The following AGBL4 variants were observed in gnomAD, a reference collection of about 807,000 sequenced individuals.
The protein encoded by AGBL4 is cytosolic carboxypeptidase 6.
In AGBL4, 58 loss-of-function variants were observed where a neutral mutation model predicts 66.4. That is an observed-to-expected ratio of 0.87 (90% CI 0.71 to 1.09). The LOEUF (loss-of-function observed/expected upper bound fraction) is 1.09, where lower values mean the gene tolerates loss of function less well. AGBL4 is among the 50% of genes least tolerant of loss of function. The probability of loss-of-function intolerance (pLI) is 0.00; values close to 1 mark genes in which losing one functional copy is unlikely to be tolerated. For synonymous variants in AGBL4, 234 were observed against 222.9 expected (o/e 1.05, Z -0.44); for missense variants, 579 against 631.0 (o/e 0.92, Z 0.88).
intron 4 of AGBL4, among the ~76,000 whole-genome samples, chr1:49,157,287 A>G (rs1569865146): frequency 8.3e-6 from 1 of 120,530 alleles, no homozygotes; most frequent in Non-Finnish European, 1.7e-5. Context: ...CCCCGTGTCC[A>G]TGTTCTCATT....
chr1:49,796,855 T>G (rs2147939697), intron 2 of AGBL4, among the ~76,000 whole-genome samples: 1 of 152,112 alleles, frequency 6.6e-6, no homozygotes, highest in South Asian at 2.1e-4. Flanking sequence ...GGGTATAACT[T>G]TCCAGTTATG....
chr1:48,853,494 C>A (rs1166222921), intron 6 of AGBL4, among the ~76,000 whole-genome samples: 1 of 152,160 alleles, frequency 6.6e-6, no homozygotes, highest in South Asian at 2.1e-4. Context: ...TACTTTACTA[C>A]ATTAGCCACT....
intron 3 of AGBL4, among the ~76,000 whole-genome samples, chr1:49,573,104 A>G (rs1170438936): frequency 6.7e-6 from 1 of 150,094 alleles, no homozygotes; most frequent in Non-Finnish European, 1.5e-5. Flanking sequence ...TTAATATATA[A>G]TAAATTCTCA....
chr1:49,706,520 T>C (rs1034654173), intron 2 of AGBL4, among the ~76,000 whole-genome samples: 6 of 152,178 alleles, frequency 3.9e-5, no homozygotes, highest in African/African-American at 1.2e-4. Context: ...CATTGATTTT[T>C]TGAAGGGTTT....
chr1:49,684,392 A>G (rs1220806596), intron 3 of AGBL4, among the ~76,000 whole-genome samples: 1 of 152,154 alleles, frequency 6.6e-6, no homozygotes, highest in Non-Finnish European at 1.5e-5. Flanking sequence ...ATATTGCAAC[A>G]GCAATATTTA....
At chr1:49,950,830 C>T (rs1328436966) in intron 1 of AGBL4, among the ~76,000 whole-genome samples, 1 of 151,614 alleles carries the variant, frequency 6.6e-6, no homozygotes, top group Non-Finnish European at 1.5e-5. Context: ...ATGGAATCAA[C>T]CCAAGTGTCA....
intron 6 of AGBL4, among the ~76,000 whole-genome samples, chr1:48,756,684 C>T (rs1387657123): frequency 6.6e-6 from 1 of 152,148 alleles, no homozygotes; most frequent in African/African-American, 2.4e-5. Flanking sequence ...TTTATTCTTG[C>T]GGATTTGTCT....
chr1:49,918,027 T>C (rs950105570), intron 1 of AGBL4, among the ~76,000 whole-genome samples: 2 of 152,204 alleles, frequency 1.3e-5, no homozygotes, highest in Admixed American at 1.3e-4. Flanking sequence ...AGATGTTCTT[T>C]GAAACCAATG....
At chr1:49,275,910 T>C (rs1644158608) in intron 3 of AGBL4, among the ~76,000 whole-genome samples, 1 of 152,172 alleles carries the variant, frequency 6.6e-6, no homozygotes, top group African/African-American at 2.4e-5. Flanking sequence ...TTATACCTGC[T>C]GATGTGTAAA....
At chr1:48,541,004 G>C (rs985149453) in intron 11 of AGBL4, among the ~76,000 whole-genome samples, 4 of 152,172 alleles carry the variant, frequency 2.6e-5, no homozygotes, top group African/African-American at 9.7e-5. Context: ...CTCTGAGTGT[G>C]ATTTACCGTA....
At chr1:49,522,978 G>A (rs548303213) in intron 3 of AGBL4, among the ~76,000 whole-genome samples, 3 of 152,030 alleles carry the variant, frequency 2.0e-5, no homozygotes, top group Non-Finnish European at 2.9e-5. Flanking sequence ...AAGGTGGTAG[G>A]GTATATTTCA....
At chr1:49,967,736 C>A (rs1016544446) in intron 1 of AGBL4, among the ~76,000 whole-genome samples, 1 of 152,012 alleles carries the variant, frequency 6.6e-6, no homozygotes, top group Non-Finnish European at 1.5e-5. Flanking sequence ...AAGCTTAAGG[C>A]CTTAATATGT....
intron 9 of AGBL4, among the ~76,000 whole-genome samples, chr1:48,612,699 A>C (rs1446375884): frequency 6.6e-6 from 1 of 152,254 alleles, no homozygotes; most frequent in African/African-American, 2.4e-5. Context: ...AAAAACAGAA[A>C]TACACTATAA....
At chr1:49,782,358 GATAAA>G (rs1333602558) in intron 2 of AGBL4, among the ~76,000 whole-genome samples, 3 of 151,994 alleles carry the variant, frequency 2.0e-5, no homozygotes, top group Admixed American at 6.6e-5. Flanking sequence ...AAATAACTGA[GATAAA>G]ATAAAGAAGT....
intron 4 of AGBL4, among the ~76,000 whole-genome samples, chr1:49,052,202 G>A (rs1056196920): frequency 6.6e-6 from 1 of 151,534 alleles, no homozygotes. Context: ...ACTTAGGCTT[G>A]TTTGGAGCTG....
intron 4 of AGBL4, among the ~76,000 whole-genome samples, chr1:49,135,297 A>T (rs974793491): frequency 3.3e-5 from 5 of 152,164 alleles, no homozygotes; most frequent in African/African-American, 9.7e-5. Flanking sequence ...AAACAGCAAA[A>T]ACCCAGAGTA....
rs562378095 is a variant in AGBL4, at chr1:48,728,990, G to C, written c.635-65749C>G. ...TTTGCTGTGATAAAGCAAAAAGCCA[G>C]CTCCAGACAAGGTCTGGCTGGAGCC... On this transcript the variant is annotated intron_variant, in intron 6 of 13. Coordinates refer to ENST00000371839, the MANE Select transcript of AGBL4 (RefSeq NM_032785.4). 2.6e-5 allele frequency among the ~76,000 whole-genome samples: 4 copies of C among 152,332 alleles called. No homozygotes were observed. In the East Asian group the frequency reaches 5.8e-4, roughly 22 times the overall value.
At chr1:48,568,357 A>G (rs1266519376) in intron 11 of AGBL4, among the ~76,000 whole-genome samples, 5 of 152,036 alleles carry the variant, frequency 3.3e-5, no homozygotes, top group Non-Finnish European at 5.9e-5. Context: ...TCTAGAATCA[A>G]TGACCAGAAG....
chr1:49,407,873 G>A (rs1362139869), intron 3 of AGBL4, among the ~76,000 whole-genome samples: 2 of 152,202 alleles, frequency 1.3e-5, no homozygotes, highest in African/African-American at 4.8e-5. Flanking sequence ...TCTGTATGAT[G>A]TGTGTTCCTA....
Sources: gnomAD v4.1 joint callset for allele counts (sites outside exome capture counted in the v4.1 genomes callset) on GRCh38, gnomAD v4.1.1 for gene constraint, MANE v1.5 for transcripts, NCBI Gene and HGNC (gene_info 2026-07-23, HGNC 2026-07-21) for gene names.